The following MZT2A variants were observed in gnomAD, a reference collection of about 807,000 sequenced individuals.
MZT2A encodes mitotic-spindle organizing protein 2A.
A neutral mutation model predicts 12.4 loss-of-function variants in MZT2A; 8 were observed. The observed-to-expected ratio is 0.64, with a 90% CI of 0.38 to 1.16. MZT2A has a LOEUF of 1.16. Ranked by LOEUF, MZT2A falls within the 50% of genes most tolerant of loss-of-function variation. The pLI is 0.01. For synonymous variants in MZT2A, 88 were observed against 107.5 expected (o/e 0.82, Z 1.12); for missense variants, 181 against 223.6 (o/e 0.81, Z 1.22).
At chr2:131,475,109 C>A (rs374323501) in intron 2 of MZT2A, among the ~76,000 whole-genome samples, 2 of 149,614 alleles carry the variant, frequency 1.3e-5, no homozygotes, top group East Asian at 2.1e-4. Flanking sequence ...TACAGGCATG[C>A]GCCACCGTGC....
intron 2 of MZT2A, among the ~76,000 whole-genome samples, chr2:131,488,972 C>G (rs1679170650): frequency 6.6e-6 from 1 of 151,010 alleles, no homozygotes; most frequent in African/African-American, 2.4e-5. Flanking sequence ...TCCAGTGCCA[C>G]AACCCCCACA....
intron 2 of MZT2A, chr2:131,491,190 G>A: frequency 2.1e-6 from 1 of 481,970 alleles, no homozygotes; most frequent in Non-Finnish European, 3.8e-6. Context: ...CAGGGACGGA[G>A]GCTCCACCAT....
At chr2:131,473,611 A>G (rs1408350779) in intron 2 of MZT2A, among the ~76,000 whole-genome samples, 1 of 146,952 alleles carries the variant, frequency 6.8e-6, no homozygotes, top group Non-Finnish European at 1.5e-5. Flanking sequence ...TTAGGGATGG[A>G]AGAATCAAAC....
chr2:131,478,113 T>C, intron 2 of MZT2A: 1 of 1,586,310 alleles, frequency 6.3e-7, no homozygotes, highest in Non-Finnish European at 8.6e-7. Flanking sequence ...TGCCATATAG[T>C]TTCAAGTTGC....
At chr2:131,478,106 C>T (rs1678735630) in intron 2 of MZT2A, 17 of 1,578,096 alleles carry the variant, frequency 1.1e-5, no homozygotes, top group Non-Finnish European at 1.4e-5. Flanking sequence ...TTTTGCATGC[C>T]ATATAGTTTC....
At chr2:131,490,685 C>T in intron 2 of MZT2A, 2 of 1,549,434 alleles carry the variant, frequency 1.3e-6, no homozygotes, top group Admixed American at 2.0e-5. Flanking sequence ...AGAGCACCAA[C>T]CCCCAGAGAT....
intron 2 of MZT2A, chr2:131,490,493 G>C (rs927870447): frequency 1.4e-6 from 2 of 1,418,602 alleles, no homozygotes; most frequent in African/African-American, 2.9e-5. Context: ...TGTTGGTCCT[G>C]TCCCCGGATG....
chr2:131,481,260 CTTTA>C (rs548434341), downstream of MZT2A, among the ~76,000 whole-genome samples: 4 of 151,328 alleles, frequency 2.6e-5, no homozygotes, highest in Non-Finnish European at 4.4e-5. Flanking sequence ...CTGTGGTGAG[CTTTA>C]TTTATTTATT....
chr2:131,482,949 G>C, downstream of MZT2A: 2 of 1,530,048 alleles, frequency 1.3e-6, 1 homozygote, highest in South Asian at 2.6e-5. Context: ...TCTGTGTGTC[G>C]TGCAGCTTAG....
chr2:131,491,800 G>A, intron 2 of MZT2A, 76 bp downstream of exon 2: 2 of 1,395,678 alleles, frequency 1.4e-6, no homozygotes, highest in Non-Finnish European at 1.9e-6. Flanking sequence ...GGGCCACGCC[G>A]CCGCTGTGCC....
At chr2:131,469,746 T>C (rs1704940126) in intron 4 of MZT2A, 1 of 144,668 alleles carries the variant, frequency 6.9e-6, no homozygotes, top group African/African-American at 2.9e-5. Flanking sequence ...GATGTTTTAT[T>C]AAGGTCATAC....
At chr2:131,491,137 G>C (rs1434768628) in intron 2 of MZT2A, 1 of 612,104 alleles carries the variant, frequency 1.6e-6, no homozygotes, top group Non-Finnish European at 2.9e-6. Flanking sequence ...CTGCATTTCA[G>C]AGAGAGCCAT....
chr2:131,471,139 CACATGGGG>C (rs1378011550), intron 3 of MZT2A, among the ~76,000 whole-genome samples: 1 of 138,788 alleles, frequency 7.2e-6, no homozygotes, highest in East Asian at 1.9e-4. Flanking sequence ...GGGCGGCTCC[CACATGGGG>C]AGAAAAGGCC....
downstream of MZT2A, chr2:131,482,491 A>G: frequency 6.5e-7 from 1 of 1,539,006 alleles, no homozygotes; most frequent in Non-Finnish European, 8.7e-7. Context: ...GAGGAAAAGT[A>G]GCTACCATTT....
At chr2:131,479,263 A>T (rs1187521198), downstream of MZT2A, 1 of 1,595,902 alleles carries the variant, frequency 6.3e-7, no homozygotes, top group Non-Finnish European at 8.6e-7. Flanking sequence ...CATCTTGGTG[A>T]GTACAGGCCT....
intron 3 of MZT2A, among the ~76,000 whole-genome samples, chr2:131,471,790 A>C (rs1187984732): frequency 5.3e-5 from 8 of 151,914 alleles, no homozygotes; most frequent in Non-Finnish European, 1.0e-4. Flanking sequence ...GTTGAACTGG[A>C]GATGGCAGAT....
intron 2 of MZT2A, among the ~76,000 whole-genome samples, chr2:131,472,409 C>G (rs1413199570): frequency 2.0e-5 from 3 of 152,110 alleles, no homozygotes; most frequent in Non-Finnish European, 2.9e-5. Context: ...TGGGCATGTC[C>G]AAGGCTCAAT....
In MZT2A at chr2:131,491,433, T is replaced by C. The variant is rs1044807194; in HGVS notation, c.319+443A>G. ...TACCACAGGACAGAGATCGAGACTG[T>C]CTTTTGAAAAACATTTAGAGACAGG... On this transcript the variant is annotated intron_variant, in intron 2 of 2. Coordinates refer to ENST00000309451, the MANE Select transcript of MZT2A (RefSeq NM_001085365.2). 73 of 278,152 alleles carry C rather than the reference T, an allele frequency of 2.6e-4. 1 individual carries two copies. The Admixed American group carries it at 3.5e-3, about 13-fold the overall frequency. 17.2% of individuals were successfully genotyped at this position (278,152 alleles called of 1,614,324 possible).
chr2:131,492,947 C>G, upstream of MZT2A: 1 of 1,525,254 alleles, frequency 6.6e-7, no homozygotes, highest in Non-Finnish European at 8.8e-7. Flanking sequence ...TCGCCATTTC[C>G]CCTCCCTGGC....
Sources: allele counts gnomAD v4.1 joint callset (sites outside exome capture counted in the v4.1 genomes callset), GRCh38; gene constraint gnomAD v4.1.1; transcripts MANE v1.5; gene names NCBI Gene and HGNC (gene_info 2026-07-23, HGNC 2026-07-21).